Variants in LIPG observed in about 807,000 individuals in gnomAD.
The protein encoded by LIPG is endothelial lipase.
Under a neutral mutation model 51.8 loss-of-function variants are expected in LIPG, and 34 were observed. The observed-to-expected ratio is 0.66, with a 90% CI of 0.50 to 0.87. LIPG has a LOEUF of 0.87. LIPG is among the 40% of genes least tolerant of loss of function. LIPG has a pLI of 0.00. For synonymous variants in LIPG, 246 were observed against 246.1 expected (o/e 1.00, Z 0.00); for missense variants, 580 against 652.7 (o/e 0.89, Z 1.21).
Position 49,583,742 on chromosome 18 carries a change from C to T in LIPG, c.1344C>T (p.Arg448=). ...RNPGRELNIR[R]IRVKSGETQR... ...CCGGACGGGAGCTGAATATCAGGCG[C>T]ATCCGGGTGAAGTCTGGGGAAACCC... The change falls in exon 8 of 10, where the codon CGC becomes CGT. Residue 448 remains arginine, a synonymous_variant. Transcript: ENST00000261292. The T allele has an allele frequency of 6.2e-7, 1 of 1,613,700 alleles. No homozygotes were observed. Among genetic ancestry groups the T allele is most frequent in the South Asian group, 1.1e-5 (1 of 91,046 alleles).
chr18:49,579,774 T>C (rs78544240), intron 5 of LIPG, among the ~76,000 whole-genome samples: 3,903 of 30,310 alleles, frequency 0.13, 60 homozygotes, highest in Middle Eastern at 0.43. Context: ...CTTTCTTTTC[T>C]TTTCTTTTCT....
At chr18:49,585,960 C>T (rs1028814304) in intron 8 of LIPG, among the ~76,000 whole-genome samples, 3 of 152,130 alleles carry the variant, frequency 2.0e-5, no homozygotes, top group Admixed American at 2.0e-4. Flanking sequence ...GTCCTTAGGG[C>T]TTCCTGGGAA....
chr18:49,579,742 T>G (rs1568533347), intron 5 of LIPG, among the ~76,000 whole-genome samples: 1 of 138,700 alleles, frequency 7.2e-6, no homozygotes, highest in African/African-American at 3.1e-5. Flanking sequence ...ATGATGGCCT[T>G]TCTTTCCTTT....
intron 1 of LIPG, among the ~76,000 whole-genome samples, chr18:49,562,682 C>G (rs2084563616): frequency 6.6e-6 from 1 of 151,740 alleles, no homozygotes. Flanking sequence ...GCTCCCTAAG[C>G]CAGTGCTGGT....
Position 49,581,556 on chromosome 18 carries a change from G to A in LIPG, c.935G>A (p.Arg312His), listed in dbSNP as rs982493840. 1.9e-6 allele frequency: 3 copies of A among 1,614,188 alleles called. No individual in the cohort carries two copies. Among genetic ancestry groups the A allele is most frequent in the East Asian group, 2.2e-5 (1 of 44,882 alleles). The change falls in exon 6 of 10, where the codon CGC (arginine) becomes CAC (histidine). Residue 312 changes from arginine to histidine, a missense_variant. Arg to His is a conservative substitution (Grantham distance 29). Coordinates refer to ENST00000261292, the MANE Select transcript of LIPG (RefSeq NM_006033.4). Reference sequence around the variant, plus strand: ...AAAAAGGGGATCTGTCTGAGCTGCCGCAAGAACCGTTGTAATAGCATTGGC... The same window carrying A: ...AAAAAGGGGATCTGTCTGAGCTGCCACAAGAACCGTTGTAATAGCATTGGC... ...RFKKGICLSC[R>H]KNRCNSIGYN...
intron 4 of LIPG, among the ~76,000 whole-genome samples, chr18:49,570,993 A>G (rs1233942365): frequency 6.6e-6 from 1 of 152,230 alleles, no homozygotes; most frequent in East Asian, 1.9e-4. Flanking sequence ...GCTTGAGTCT[A>G]GTATGTGCGT....
Position 49,583,729 on chromosome 18 carries a change from T to G in LIPG, c.1331T>G (p.Leu444Arg), listed in dbSNP as rs1456118760. ...LSQPRNPGRE[L>R]NIRRIRVKSG... ...CAACCCCGCAACCCCGGACGGGAGCTGAATATCAGGCGCATCCGGGTGAAG... is the reference window on the plus strand; with the variant it reads ...CAACCCCGCAACCCCGGACGGGAGCGGAATATCAGGCGCATCCGGGTGAAG... The change falls in exon 8 of 10, where the codon CTG becomes CGG. Residue 444 changes from leucine to arginine, a missense_variant. Physicochemically the swap from Leu to Arg is moderately radical, Grantham distance 102 (BLOSUM62 -2). Coordinates refer to ENST00000261292, the MANE Select transcript of LIPG (RefSeq NM_006033.4). 6.2e-7 allele frequency: 1 copy of G among 1,613,912 alleles called. No homozygotes were observed. Among genetic ancestry groups the G allele is most frequent in the Non-Finnish European group, 8.5e-7 (1 of 1,180,014 alleles).
In LIPG at chr18:49,583,542, T is replaced by C. The variant is rs1465055638; in HGVS notation, c.1158-14T>C. 1 of 1,606,778 alleles carries C rather than the reference T, an allele frequency of 6.2e-7. No homozygotes were observed. Among genetic ancestry groups the C allele is most frequent in the Non-Finnish European group, 8.5e-7 (1 of 1,173,486 alleles). On this transcript the variant is annotated splice_polypyrimidine_tract_variant and intron_variant, in intron 7 of 9. Transcript: ENST00000261292. ...CTGTTAGGGGAGTGAGATCAGCTTC[T>C]CTCCCACTTGTAGAGTGGAGCGGAT...
rs2084937178 is a variant in LIPG, at chr18:49,590,963, C to A, written c.*441C>A. 3.5e-6 allele frequency: 1 copy of A among 281,822 alleles called. No individual in the cohort carries two copies. The allele number at this position is 281,822 out of a possible 1,614,324, so 17.5% of individuals were successfully genotyped here. On this transcript the variant is annotated 3_prime_UTR_variant, in exon 10 of 10. Transcript: ENST00000261292. ...GAGAAGTCCTTCCGACAGGAGCTGA[C>A]TCATGTCAGGATGGCAGGCCTGGTA...
At position 49,579,409 on chromosome 18, in the gene LIPG, C is replaced by T. The variant is rs150855386; in HGVS notation, c.794-2006C>T. Among the ~76,000 whole-genome samples the T allele has an allele frequency of 2.2e-4, 34 of 151,830 alleles. 1 individual carries two copies. In the East Asian group the frequency reaches 4.1e-3, roughly 18 times the overall value. ...TCCTGCCTCAGCCTGAGATTACAGG[C>T]GCAAACCACCATACCTGGCTCCAAA... On this transcript the variant is annotated intron_variant, in intron 5 of 9. Transcript: ENST00000261292.
chr18:49,582,221 G>T, intron 6 of LIPG, 141 bp from the exon 7 acceptor site: 1 of 963,466 alleles, frequency 1.0e-6, no homozygotes, highest in Non-Finnish European at 1.6e-6. Flanking sequence ...GACAGAACAA[G>T]AGCAGATGGG....
intron 5 of LIPG, among the ~76,000 whole-genome samples, chr18:49,578,387 G>T (rs1256419341): frequency 4.6e-5 from 6 of 131,454 alleles, no homozygotes; most frequent in Non-Finnish European, 9.8e-5. Flanking sequence ...CCCAGATGGG[G>T]CGGCGGGGCA....
At position 49,595,055 on chromosome 18, in the gene LIPG, G is replaced by A. The variant is rs1452753283; in HGVS notation, c.*4533G>A. On this transcript the variant is annotated 3_prime_UTR_variant, in exon 10 of 10. Transcript: ENST00000261292. ...AGCTGAAGCCCCAGACCCCTTGGAA[G>A]GATGGATACAAAGTAGGTACTAGAA... 6.6e-6 allele frequency: 1 copy of A among 152,222 alleles called. No homozygotes were observed. Among genetic ancestry groups the A allele is most frequent in the Non-Finnish European group, 1.5e-5 (1 of 68,050 alleles). 9.4% of individuals were successfully genotyped at this position (152,222 alleles called of 1,614,324 possible).
intron 6 of LIPG, 122 bp from the exon 7 acceptor site, chr18:49,582,240 G>A: frequency 8.2e-7 from 1 of 1,218,260 alleles, no homozygotes; most frequent in Non-Finnish European, 1.2e-6. Context: ...GGGGCTGCAG[G>A]CTGGGCTCAA....
chr18:49,583,532 G>T (rs768873191), intron 7 of LIPG, 24 bp from the exon 8 acceptor site: 13 of 1,605,136 alleles, frequency 8.1e-6, no homozygotes, highest in South Asian at 2.2e-5. Context: ...AGGGGAGTGA[G>T]ATCAGCTTCT....
At chr18:49,565,574 T>C in intron 2 of LIPG, 76 bp downstream of exon 2, 1 of 1,536,570 alleles carries the variant, frequency 6.5e-7, no homozygotes, top group African/African-American at 1.4e-5. Context: ...GAAAGAATTC[T>C]GGTGTTTCCA....
chr18:49,576,013 T>C (rs2084712373), intron 5 of LIPG, among the ~76,000 whole-genome samples: 1 of 151,980 alleles, frequency 6.6e-6, no homozygotes, highest in East Asian at 1.9e-4. Context: ...TAATTTTGTA[T>C]CTTTAGTAGA....
Position 49,586,843 on chromosome 18 carries a change from G to A in LIPG, c.1474G>A (p.Glu492Lys), listed in dbSNP as rs149912926. Reference sequence around the variant, plus strand: ...TCGGGATGGCTGGAGGATGAAAAACGAAACCAGGTAACCAGGACTTTCTCA... The same window carrying A: ...TCGGGATGGCTGGAGGATGAAAAACAAAACCAGGTAACCAGGACTTTCTCA... ...KCRDGWRMKN[E>K]TSPTVELP Residue 492 changes from glutamate to lysine, a missense_variant, in exon 9 of 10, where the codon GAA (glutamate) becomes AAA (lysine). Physicochemically the swap from Glu to Lys is moderately conservative, Grantham distance 56. Coordinates refer to ENST00000261292, the MANE Select transcript of LIPG (RefSeq NM_006033.4). The A allele has an allele frequency of 1.5e-5, 24 of 1,613,020 alleles. No individual in the cohort carries two copies. The highest frequency in any genetic ancestry group is 1.8e-5 in the Non-Finnish European group (21 of 1,179,118).
chr18:49,565,544 C>A lies in LIPG; in HGVS notation c.279+46C>A, dbSNP rs758652335. On this transcript the variant is annotated intron_variant, in intron 2 of 9. Transcript: ENST00000261292. ...CTGCGGCTTTATATAAGATTTGATTCCCTTTGTTTTGGTCAATTAGAAAGA... is the reference window on the plus strand; with the variant it reads ...CTGCGGCTTTATATAAGATTTGATTACCTTTGTTTTGGTCAATTAGAAAGA... 1.5e-5 allele frequency: 24 copies of A among 1,603,878 alleles called. 1 individual carries two copies. In the South Asian group the frequency reaches 2.3e-4, roughly 15 times the overall value.
Sources: gnomAD v4.1 joint callset for allele counts (sites outside exome capture counted in the v4.1 genomes callset) on GRCh38, gnomAD v4.1.1 for gene constraint, MANE v1.5 for transcripts, NCBI Gene and HGNC (gene_info 2026-07-23, HGNC 2026-07-21) for gene names.